The following FMN1 variants were observed in gnomAD, a reference collection of about 807,000 sequenced individuals.
The protein encoded by FMN1 is formin-1.
FMN1 carries 110 observed loss-of-function variants against 132.4 expected under a neutral mutation model. That is an observed-to-expected ratio of 0.83 (90% CI 0.71 to 0.97). FMN1 has a LOEUF of 0.97. Among genes scored for constraint, FMN1 ranks in the 50% least tolerant of loss-of-function variants. The pLI is 0.00. For missense variants in FMN1, 1,792 were observed against 1,705.3 expected, an observed-to-expected ratio of 1.05 and a Z score of -0.90; for synonymous variants, 722 against 651.7, an observed-to-expected ratio of 1.11 and a Z score of -1.64.
chr15:32,894,733 A>G (rs1230505609), intron 15 of FMN1, among the ~76,000 whole-genome samples: 1 of 152,050 alleles, frequency 6.6e-6, no homozygotes, highest in Non-Finnish European at 1.5e-5. Flanking sequence ...CCTGTTTACA[A>G]AAGTGATACA....
chr15:32,973,162 C>G (rs1009862449), intron 7 of FMN1, among the ~76,000 whole-genome samples: 1 of 152,170 alleles, frequency 6.6e-6, no homozygotes, highest in Non-Finnish European at 1.5e-5. Context: ...CTTAAAATCT[C>G]TTCAATAATT....
intron 19 of FMN1, among the ~76,000 whole-genome samples, chr15:32,794,224 T>TC (rs2057197773): frequency 6.6e-6 from 1 of 152,204 alleles, no homozygotes; most frequent in Admixed American, 6.5e-5. Flanking sequence ...AACTATCCAT[T>TC]CCCCTATGGT....
At chr15:33,083,926 G>A (rs1595435804) in intron 5 of FMN1, among the ~76,000 whole-genome samples, 1 of 152,062 alleles carries the variant, frequency 6.6e-6, no homozygotes, top group Non-Finnish European at 1.5e-5. Context: ...TAATTATAAC[G>A]CATCAGCATG....
intron 2 of FMN1, among the ~76,000 whole-genome samples, chr15:33,193,195 A>T (rs1264603702): frequency 6.6e-6 from 1 of 152,110 alleles, no homozygotes; most frequent in Non-Finnish European, 1.5e-5. Context: ...GACCTCATTG[A>T]TTCATTGTGG....
chr15:32,830,991 A>G (rs1037873744), intron 17 of FMN1, among the ~76,000 whole-genome samples: 1 of 152,108 alleles, frequency 6.6e-6, no homozygotes, highest in African/African-American at 2.4e-5. Context: ...CACTTACTCA[A>G]CCACTCTAGT....
At chr15:33,127,927 G>T (rs12904360) in intron 4 of FMN1, among the ~76,000 whole-genome samples, 5,459 of 133,148 alleles carry the variant, frequency 0.041, 149 homozygotes, top group Middle Eastern at 0.067. Context: ...GATGGAAATA[G>T]AAGAAGAGGC....
intron 4 of FMN1, among the ~76,000 whole-genome samples, chr15:33,120,456 A>G (rs898047149): frequency 3.9e-5 from 6 of 152,112 alleles, no homozygotes; most frequent in Non-Finnish European, 7.4e-5. Context: ...AGACATGTTC[A>G]AAGTTAGCCA....
At chr15:33,149,453 A>AT (rs1266163425) in intron 4 of FMN1, among the ~76,000 whole-genome samples, 1 of 152,190 alleles carries the variant, frequency 6.6e-6, no homozygotes, top group Non-Finnish European at 1.5e-5. Flanking sequence ...TTTTCTAGCT[A>AT]TTTTTTGCCA....
At chr15:32,940,373 C>G (rs918851731) in intron 9 of FMN1, among the ~76,000 whole-genome samples, 1 of 149,948 alleles carries the variant, frequency 6.7e-6, no homozygotes, top group Non-Finnish European at 1.5e-5. Context: ...CCCATGTCTA[C>G]TGCAAACAAA....
intron 4 of FMN1, among the ~76,000 whole-genome samples, chr15:33,145,611 C>T (rs910170909): frequency 4.0e-5 from 6 of 151,392 alleles, no homozygotes; most frequent in Non-Finnish European, 8.8e-5. Context: ...CCGTGGTAGC[C>T]GCTACCCTCG....
chr15:33,123,132 G>A (rs1049348851), intron 4 of FMN1, among the ~76,000 whole-genome samples: 1 of 146,776 alleles, frequency 6.8e-6, no homozygotes, highest in African/African-American at 2.7e-5. Flanking sequence ...ATATCGTCAA[G>A]CCTTGTGGAT....
Position 32,888,151 on chromosome 15 carries a change from T to C in FMN1, c.3835+21A>G, listed in dbSNP as rs1418492240. 11 of 1,588,738 alleles carry C rather than the reference T, an allele frequency of 6.9e-6. No individual in the cohort carries two copies. The Admixed American group carries it at 7.3e-5, about 11-fold the overall frequency. On this transcript the variant is annotated intron_variant, in intron 16 of 20. Coordinates refer to ENST00000616417, the MANE Select transcript of FMN1 (RefSeq NM_001277313.2). ...AAAGTAATCTTAGCTATTATCATAA[T>C]AGCAGAACAGTTCCTATTACCTTCT...
chr15:33,113,444 A>G (rs2039791508), intron 4 of FMN1, among the ~76,000 whole-genome samples: 1 of 152,010 alleles, frequency 6.6e-6, no homozygotes, highest in African/African-American at 2.4e-5. Flanking sequence ...GTTGTCTTAT[A>G]CTGTTTATGT....
chr15:32,910,553 A>AG lies in FMN1; in HGVS notation c.3227-19dup. ...GAAAATGGCTGCCAAGCACCCAAAA[A>AG]GAAAAGAGGATAAGGGATTTGATTA... On this transcript the variant is annotated intron_variant, in intron 10 of 20. Coordinates refer to ENST00000616417, the MANE Select transcript of FMN1 (RefSeq NM_001277313.2). The AG allele has an allele frequency of 6.4e-7, 1 of 1,554,426 alleles. No individual in the cohort carries two copies. Among genetic ancestry groups the AG allele is most frequent in the East Asian group, 2.4e-5 (1 of 41,610 alleles).
At chr15:33,043,168 A>G (rs1180163152) in intron 6 of FMN1, among the ~76,000 whole-genome samples, 2 of 152,238 alleles carry the variant, frequency 1.3e-5, no homozygotes, top group East Asian at 1.9e-4. Flanking sequence ...CTGAGCAGCG[A>G]GCCATGGTGC....
chr15:32,974,996 C>T (rs1031832075), intron 7 of FMN1, among the ~76,000 whole-genome samples: 1 of 152,168 alleles, frequency 6.6e-6, no homozygotes, highest in African/African-American at 2.4e-5. Flanking sequence ...CCAGATATTT[C>T]CCTGCTCTTT....
chr15:32,988,694 G>A (rs900546709), intron 7 of FMN1, among the ~76,000 whole-genome samples: 14 of 152,164 alleles, frequency 9.2e-5, no homozygotes, highest in African/African-American at 3.4e-4. Context: ...GTAACCAGAC[G>A]GTGAATCTTA....
chr15:32,907,685 T>A (rs2060460250), intron 12 of FMN1, among the ~76,000 whole-genome samples: 1 of 152,104 alleles, frequency 6.6e-6, no homozygotes, highest in Non-Finnish European at 1.5e-5. Flanking sequence ...ACTTGCCTCA[T>A]CTCTAGATTG....
At chr15:33,040,188 T>C (rs901522513) in intron 6 of FMN1, among the ~76,000 whole-genome samples, 4 of 152,250 alleles carry the variant, frequency 2.6e-5, no homozygotes, top group African/African-American at 9.6e-5. Flanking sequence ...TGCTCTACCC[T>C]GCCTCTATCT....
Sources: allele counts gnomAD v4.1 joint callset (sites outside exome capture counted in the v4.1 genomes callset), GRCh38; gene constraint gnomAD v4.1.1; transcripts MANE v1.5; gene names NCBI Gene and HGNC (gene_info 2026-07-23, HGNC 2026-07-21).